Variants in ARRB1 observed in about 807,000 individuals in gnomAD.
ARRB1 encodes beta-arrestin-1.
ARRB1 carries 21 observed loss-of-function variants against 56.8 expected under a neutral mutation model. The ratio of observed to expected loss-of-function variants is 0.37; its 90% CI spans 0.26 to 0.53. The LOEUF is 0.53. ARRB1 is among the 20% of genes least tolerant of loss of function. The pLI is 0.88. For synonymous variants in ARRB1, 210 were observed against 218.6 expected (o/e 0.96, Z 0.35); for missense variants, 424 against 553.7 (o/e 0.77, Z 2.35).
chr11:75,305,348 G>T (rs1348579792), intron 1 of ARRB1, among the ~76,000 whole-genome samples: 1 of 151,892 alleles, frequency 6.6e-6, no homozygotes, highest in Non-Finnish European at 1.5e-5. Context: ...CCTGGCCCAG[G>T]AATGCATTTT....
At chr11:75,331,591 A>AC (rs779419832) in intron 1 of ARRB1, among the ~76,000 whole-genome samples, 3 of 147,526 alleles carry the variant, frequency 2.0e-5, no homozygotes, top group Admixed American at 1.4e-4. Flanking sequence ...ACACCTTGTG[A>AC]CCCCCACCCC....
In ARRB1 at chr11:75,262,568, T is replaced by C. The variant is rs1257117597; in HGVS notation, c.*3595A>G. 1 of 152,236 alleles carries C rather than the reference T, an allele frequency of 6.6e-6. No homozygotes were observed. Among genetic ancestry groups the C allele is most frequent in the Non-Finnish European group, 1.5e-5 (1 of 68,050 alleles). The allele number at this position is 152,236 out of a possible 1,614,324, so 9.4% of individuals were successfully genotyped here. ...GTGTGACCTTGGGCCATCCCTGCAGTGGCAGGGCCACACACATCCAGCCAT... is the reference window on the plus strand; with the variant it reads ...GTGTGACCTTGGGCCATCCCTGCAGCGGCAGGGCCACACACATCCAGCCAT... On this transcript the variant is annotated 3_prime_UTR_variant, in exon 16 of 16. Transcript: ENST00000420843.
chr11:75,320,738 G>C (rs537938826), intron 1 of ARRB1, among the ~76,000 whole-genome samples: 11 of 152,286 alleles, frequency 7.2e-5, no homozygotes, highest in Admixed American at 2.0e-4. Flanking sequence ...AAACATTGTA[G>C]AGTAAAATTC....
rs186185575 is a variant in ARRB1, at chr11:75,316,287, A to G, written c.21-26248T>C. 2.1e-3 allele frequency among the ~76,000 whole-genome samples: 311 copies of G among 151,616 alleles called. 1 individual carries two copies. Among genetic ancestry groups the G allele is most frequent in the African/African-American group, 7.1e-3 (295 of 41,318 alleles). The stretch of plus-strand genomic sequence containing the variant: ...GGTTGCAGTGAGCCAAGATTGCACC[A>G]TTGCACTCCAGCCTGGGTGACAGAG... On this transcript the variant is annotated intron_variant, in intron 1 of 15. Coordinates refer to ENST00000420843, the MANE Select transcript of ARRB1 (RefSeq NM_004041.5).
At chr11:75,344,716 T>A (rs147414171) in intron 1 of ARRB1, among the ~76,000 whole-genome samples, 93 of 152,260 alleles carry the variant, frequency 6.1e-4, no homozygotes, top group Non-Finnish European at 9.3e-4. Flanking sequence ...AGATGATACC[T>A]ATTCTAATCC....
At position 75,327,052 on chromosome 11, in the gene ARRB1, C is replaced by T. The variant is rs370871406; in HGVS notation, c.20+24536G>A. Among the ~76,000 whole-genome samples the T allele has an allele frequency of 4.6e-5, 7 of 151,826 alleles. No homozygotes were observed. The East Asian group carries it at 9.8e-4, about 21-fold the overall frequency. ...ATTTTGTGCTGGGCGTGGTGGCTCA[C>T]GCCTGTAATCCCAACACTTTGGGAG... On this transcript the variant is annotated intron_variant, in intron 1 of 15. Coordinates refer to ENST00000420843, the MANE Select transcript of ARRB1 (RefSeq NM_004041.5).
chr11:75,271,060 C>T (rs1352209459), intron 13 of ARRB1: 2 of 152,174 alleles, frequency 1.3e-5, no homozygotes, highest in African/African-American at 4.8e-5. Context: ...ACATCTGATT[C>T]CTCTCTGGGA....
At chr11:75,286,842 G>C (rs1238421028) in intron 3 of ARRB1, among the ~76,000 whole-genome samples, 1 of 152,190 alleles carries the variant, frequency 6.6e-6, no homozygotes, top group East Asian at 1.9e-4. Flanking sequence ...TTCTCCCTCT[G>C]TCTCCCACTC....
Position 75,260,901 on chromosome 11 carries a change from C to T in ARRB1, c.*5262G>A, listed in dbSNP as rs368346423. Reference sequence around the variant, plus strand: ...TGAGCCAAGATTTCCATCCATCCGGCGCTGTGTAAAGATGAATTTAACCCT... The same window carrying T: ...TGAGCCAAGATTTCCATCCATCCGGTGCTGTGTAAAGATGAATTTAACCCT... On this transcript the variant is annotated 3_prime_UTR_variant, in exon 16 of 16. Coordinates refer to ENST00000420843, the MANE Select transcript of ARRB1 (RefSeq NM_004041.5). The T allele has an allele frequency of 6.6e-6, 1 of 152,158 alleles. No homozygotes were observed. The highest frequency in any genetic ancestry group is 2.1e-4 in the South Asian group (1 of 4,828). The allele number at this position is 152,158 out of a possible 1,614,324, so 9.4% of individuals were successfully genotyped here.
chr11:75,280,165 T>C (rs1946293780), intron 7 of ARRB1, among the ~76,000 whole-genome samples: 1 of 152,174 alleles, frequency 6.6e-6, no homozygotes, highest in African/African-American at 2.4e-5. Context: ...CACCTCCTCT[T>C]TCTTGTGCTT....
chr11:75,281,325 G>C (rs1946332765), intron 6 of ARRB1, among the ~76,000 whole-genome samples, 183 bp from the exon 7 acceptor site: 1 of 152,132 alleles, frequency 6.6e-6, no homozygotes, highest in Non-Finnish European at 1.5e-5. Flanking sequence ...ATGCTGTGCT[G>C]CCTCCTCCAT....
chr11:75,289,572 G>A (rs1946557299), intron 2 of ARRB1, among the ~76,000 whole-genome samples: 2 of 152,208 alleles, frequency 1.3e-5, no homozygotes, highest in African/African-American at 4.8e-5. Context: ...AACTGAGGGG[G>A]AAGCAGGATG....
At chr11:75,323,927 G>A (rs1174704755) in intron 1 of ARRB1, among the ~76,000 whole-genome samples, 3 of 151,980 alleles carry the variant, frequency 2.0e-5, no homozygotes, top group Admixed American at 6.6e-5. Context: ...AATCATTAAC[G>A]AATCGAGATA....
intron 2 of ARRB1, among the ~76,000 whole-genome samples, chr11:75,288,537 C>A (rs1213828276): frequency 6.6e-6 from 1 of 152,244 alleles, no homozygotes; most frequent in Non-Finnish European, 1.5e-5. Context: ...TAGACCACCA[C>A]ACCAGCCCCT....
intron 9 of ARRB1, 27 bp downstream of exon 9, chr11:75,277,337 C>T: frequency 5.0e-6 from 8 of 1,607,328 alleles, no homozygotes; most frequent in Non-Finnish European, 6.0e-6. Context: ...CTCGCTGTCC[C>T]CTAAGCTGAC....
At chr11:75,296,992 G>A (rs1946765845) in intron 1 of ARRB1, among the ~76,000 whole-genome samples, 1 of 152,114 alleles carries the variant, frequency 6.6e-6, no homozygotes, top group Non-Finnish European at 1.5e-5. Context: ...CTGAAATTAG[G>A]TTTCCATCTT....
chr11:75,271,623 G>T, intron 13 of ARRB1, 78 bp downstream of exon 13: 2 of 1,446,898 alleles, frequency 1.4e-6, no homozygotes, highest in Non-Finnish European at 1.9e-6. Context: ...CCAGTGCCCT[G>T]TGATTCTGGT....
rs34439199 is a variant in ARRB1 at position 75,271,943 on chromosome 11, C to T, written c.999-219G>A. Among the ~76,000 whole-genome samples the T allele has an allele frequency of 2.9e-3, 441 of 152,216 alleles. 1 individual carries two copies. Among genetic ancestry groups the T allele is most frequent in the Non-Finnish European group, 4.9e-3 (334 of 68,028 alleles). On this transcript the variant is annotated intron_variant, in intron 12 of 15. Coordinates refer to ENST00000420843, the MANE Select transcript of ARRB1 (RefSeq NM_004041.5). ...GAGGGACTGGGATCCAGACCCAGCT[C>T]AGCAAACCCCTGAGCCCCAGGATCC...
At chr11:75,270,281 G>A (rs1946047954) in intron 13 of ARRB1, among the ~76,000 whole-genome samples, 1 of 152,106 alleles carries the variant, frequency 6.6e-6, no homozygotes, top group African/African-American at 2.4e-5. Context: ...AGGAGTTCGA[G>A]ACCAGCCTGG....
Sources: allele counts gnomAD v4.1 joint callset (sites outside exome capture counted in the v4.1 genomes callset), GRCh38; gene constraint gnomAD v4.1.1; transcripts MANE v1.5; gene names NCBI Gene and HGNC (gene_info 2026-07-23, HGNC 2026-07-21).